Variants in HDX observed in about 807,000 individuals in gnomAD.
The protein encoded by HDX is chromosome X open reading frame 43.
HDX carries 19 observed loss-of-function variants against 45.2 expected under a neutral mutation model. That is an observed-to-expected ratio of 0.42 (90% CI 0.29 to 0.62). The LOEUF (loss-of-function observed/expected upper bound fraction) is 0.62, where lower values mean the gene tolerates loss of function less well. HDX is among the 20% of genes least tolerant of loss of function. HDX has a pLI of 0.20. For synonymous variants in HDX, 188 were observed against 172.8 expected (o/e 1.09, Z -0.69); for missense variants, 532 against 493.9 (o/e 1.08, Z -0.73).
chrX:84,449,893 TG>T (rs1269324330), intron 4 of HDX, among the ~76,000 whole-genome samples: 3 of 106,091 alleles, frequency 2.8e-5, no homozygotes, highest in African/African-American at 1.0e-4. Context: ...CACTCACAGG[TG>T]GGAATTGAAC....
At chrX:84,375,652 C>G (rs1055338534) in intron 5 of HDX, among the ~76,000 whole-genome samples, 6 of 109,596 alleles carry the variant, frequency 5.5e-5, no homozygotes, top group Non-Finnish European at 5.7e-5. Context: ...GGACAAAAAA[C>G]CAAACACCGC....
chrX:84,411,508 C>T (rs1217845432), intron 5 of HDX, among the ~76,000 whole-genome samples: 3 of 111,675 alleles, frequency 2.7e-5, no homozygotes, highest in Non-Finnish European at 5.7e-5. Context: ...AATTTTATTG[C>T]ACTGTGATCC....
intron 1 of HDX, among the ~76,000 whole-genome samples, chrX:84,490,894 A>G (rs2040881145): frequency 9.1e-6 from 1 of 110,375 alleles, no homozygotes; most frequent in South Asian, 3.8e-4. Flanking sequence ...TGTTTCCGTG[A>G]GATATATCCT....
intron 5 of HDX, among the ~76,000 whole-genome samples, chrX:84,405,491 T>TA (rs886134588): frequency 2.7e-5 from 3 of 109,795 alleles, no homozygotes; most frequent in Non-Finnish European, 5.7e-5. Flanking sequence ...CTGTAATGTT[T>TA]AAAGAGTATT....
Position 84,475,599 on chromosome X carries a change from T to C in HDX, c.1-202A>G, listed in dbSNP as rs145731094. Among the ~76,000 whole-genome samples the C allele has an allele frequency of 2.5e-3, 277 of 112,005 alleles. 1 individual carries two copies. Among genetic ancestry groups the C allele is most frequent in the African/African-American group, 8.6e-3 (265 of 30,847 alleles). On this transcript the variant is annotated intron_variant, in intron 2 of 10. Coordinates refer to ENST00000373177, the MANE Select transcript of HDX (RefSeq NM_001177479.2). The stretch of plus-strand genomic sequence containing the variant: ...AAAATATGCATAGTGCAAACACTTA[T>C]TGAATTTGTTCAGATAATGTACCAA...
At chrX:84,450,890 A>C (rs1445238621) in intron 4 of HDX, among the ~76,000 whole-genome samples, 1 of 111,997 alleles carries the variant, frequency 8.9e-6, no homozygotes, top group Non-Finnish European at 1.9e-5. Context: ...CAGTAACAGG[A>C]GGAACTTTGG....
chrX:84,449,570 T>G (rs910927828), intron 4 of HDX, among the ~76,000 whole-genome samples: 4 of 111,803 alleles, frequency 3.6e-5, no homozygotes, highest in African/African-American at 1.3e-4. Context: ...CTCAGTAAAG[T>G]TATTCTTCAC....
At chrX:84,490,549 T>C (rs955525814) in intron 1 of HDX, among the ~76,000 whole-genome samples, 4 of 111,430 alleles carry the variant, frequency 3.6e-5, no homozygotes, top group African/African-American at 1.3e-4. Context: ...CTATTTCCAG[T>C]ACTCTCCTTT....
At chrX:84,454,971 G>A (rs959093557) in intron 4 of HDX, among the ~76,000 whole-genome samples, 1 of 111,043 alleles carries the variant, frequency 9.0e-6, no homozygotes, top group African/African-American at 3.3e-5. Flanking sequence ...AGACCACTGA[G>A]GCAGTACCTA....
intron 5 of HDX, among the ~76,000 whole-genome samples, chrX:84,405,905 G>C (rs976580436): frequency 9.1e-6 from 1 of 110,137 alleles, no homozygotes; most frequent in Non-Finnish European, 1.9e-5. Context: ...AGCCTGTCTG[G>C]TATTTATTAT....
At chrX:84,477,584 A>G (rs977280179) in intron 2 of HDX, among the ~76,000 whole-genome samples, 1 of 111,471 alleles carries the variant, frequency 9.0e-6, no homozygotes, top group Non-Finnish European at 1.9e-5. Context: ...CTACTATATT[A>G]TAGGAAGTTA....
At chrX:84,438,924 T>G (rs768314184) in intron 5 of HDX, among the ~76,000 whole-genome samples, 1 of 111,743 alleles carries the variant, frequency 8.9e-6, no homozygotes, top group South Asian at 3.7e-4. Context: ...CTGGGTCAAA[T>G]GGTAGTTATA....
At chrX:84,445,532 T>G (rs1006751357) in intron 4 of HDX, among the ~76,000 whole-genome samples, 4 of 111,079 alleles carry the variant, frequency 3.6e-5, no homozygotes, top group Non-Finnish European at 7.6e-5. Flanking sequence ...GCATTTATTA[T>G]TCACTAGCTG....
rs768572039 is a variant in HDX at position 84,348,145 on chromosome X, G to A, written c.1453-3688C>T. Among the ~76,000 whole-genome samples the A allele has an allele frequency of 3.6e-5, 4 of 110,916 alleles. No individual in the cohort carries two copies. The South Asian group carries it at 1.1e-3, about 31-fold the overall frequency. On this transcript the variant is annotated intron_variant, in intron 6 of 10. Transcript: ENST00000373177. Reference sequence around the variant, plus strand: ...TTGTCCCACAGTTGTTGTATATTATGTTCCATTTTTAATCAATATTTTTGT... The same window carrying A: ...TTGTCCCACAGTTGTTGTATATTATATTCCATTTTTAATCAATATTTTTGT...
chrX:84,439,317 A>G (rs2039710305), intron 5 of HDX, among the ~76,000 whole-genome samples: 1 of 110,696 alleles, frequency 9.0e-6, no homozygotes. Flanking sequence ...TGTCAGATGC[A>G]TATTTTACAA....
intron 5 of HDX, among the ~76,000 whole-genome samples, chrX:84,392,727 G>A (rs2038470306): frequency 9.2e-6 from 1 of 109,258 alleles, no homozygotes; most frequent in Admixed American, 9.9e-5. Context: ...TATTATTAGT[G>A]AATAGAAATT....
intron 2 of HDX, among the ~76,000 whole-genome samples, chrX:84,478,820 T>C (rs1028536483): frequency 4.5e-5 from 5 of 110,878 alleles, no homozygotes; most frequent in Non-Finnish European, 9.4e-5. Context: ...GACTGCACCA[T>C]TGCACTCCAG....
chrX:84,476,577 A>AAAGG (rs1199786343), intron 2 of HDX, among the ~76,000 whole-genome samples: 5 of 107,327 alleles, frequency 4.7e-5, no homozygotes, highest in Admixed American at 1.0e-4. Flanking sequence ...GAAAGAAAAG[A>AAAGG]AAGGAAGGAA....
rs931681935 is a variant in HDX at position 84,462,438 on chromosome X, T to G, written c.1251+6034A>C. 4.5e-5 allele frequency among the ~76,000 whole-genome samples: 5 copies of G among 111,944 alleles called. No individual in the cohort carries two copies. The South Asian group carries it at 1.5e-3, about 33-fold the overall frequency. Reference sequence around the variant, plus strand: ...GGCACAGAAAGACAAACATCATATATTCTCACTTAGTTGCAGGAGCTAAAA... The same window carrying G: ...GGCACAGAAAGACAAACATCATATAGTCTCACTTAGTTGCAGGAGCTAAAA... On this transcript the variant is annotated intron_variant, in intron 4 of 10. Coordinates refer to ENST00000373177, the MANE Select transcript of HDX (RefSeq NM_001177479.2).
Sources: allele counts gnomAD v4.1 joint callset (sites outside exome capture counted in the v4.1 genomes callset), GRCh38; gene constraint gnomAD v4.1.1; transcripts MANE v1.5; gene names NCBI Gene and HGNC (gene_info 2026-07-23, HGNC 2026-07-21).